The following ESRRG variants were observed in gnomAD, a reference collection of about 807,000 sequenced individuals.
ESRRG encodes the protein estrogen-related receptor gamma.
A neutral mutation model predicts 44.0 loss-of-function variants in ESRRG; 13 were observed. The observed-to-expected ratio is 0.30, with a 90% CI of 0.19 to 0.47. ESRRG has a LOEUF of 0.47. Ranked by LOEUF, ESRRG falls within the 20% of genes least tolerant of loss-of-function variation. The pLI, the probability that ESRRG is intolerant of heterozygous loss-of-function variation, is 1.00. For missense variants in ESRRG, 395 were observed against 580.6 expected, an observed-to-expected ratio of 0.68 and a Z score of 3.29; for synonymous variants, 215 against 214.6, an observed-to-expected ratio of 1.00 and a Z score of -0.02.
chr1:216,623,065 G>A (rs1438166470), intron 3 of ESRRG, among the ~76,000 whole-genome samples: 1 of 141,616 alleles, frequency 7.1e-6, no homozygotes, highest in Non-Finnish European at 1.5e-5. Flanking sequence ...GTCATCAGCT[G>A]AAATCATTAA....
At chr1:216,938,458 G>C (rs1273746365) in intron 2 of ESRRG, among the ~76,000 whole-genome samples, 3 of 152,144 alleles carry the variant, frequency 2.0e-5, no homozygotes, top group Admixed American at 6.5e-5. Flanking sequence ...AAGGAGAAGA[G>C]AGAACGCCAA....
chr1:216,725,475 C>T, upstream of ESRRG, among the ~76,000 whole-genome samples: 1 of 151,872 alleles, frequency 6.6e-6, no homozygotes. Flanking sequence ...TAAAATAAGA[C>T]ACGTAATCAT....
intron 1 of ESRRG, among the ~76,000 whole-genome samples, chr1:217,129,082 C>A (rs558605074): frequency 2.5e-4 from 38 of 152,136 alleles, no homozygotes; most frequent in African/African-American, 8.7e-4. Context: ...CAAATATTTG[C>A]AAATCCTATA....
intron 5 of ESRRG, among the ~76,000 whole-genome samples, chr1:216,530,763 C>A (rs886452997): frequency 6.6e-6 from 1 of 152,098 alleles, no homozygotes; most frequent in African/African-American, 2.4e-5. Flanking sequence ...TTCTGTACTG[C>A]CTTTAAAAAC....
At chr1:216,629,110 C>T (rs905543785) in intron 3 of ESRRG, among the ~76,000 whole-genome samples, 1 of 152,172 alleles carries the variant, frequency 6.6e-6, no homozygotes, top group Non-Finnish European at 1.5e-5. Context: ...TCCTATACCC[C>T]ACAGCCAGTT....
At chr1:216,617,503 GAA>G (rs5780897) in intron 3 of ESRRG, among the ~76,000 whole-genome samples, 35 of 138,416 alleles carry the variant, frequency 2.5e-4, no homozygotes, top group Admixed American at 1.3e-3. Context: ...TTGGCCTTTA[GAA>G]AAAAAAAAAA....
At chr1:216,517,435 T>C (rs2044674539) in intron 6 of ESRRG, among the ~76,000 whole-genome samples, 1 of 152,196 alleles carries the variant, frequency 6.6e-6, no homozygotes, top group Non-Finnish European at 1.5e-5. Flanking sequence ...ATATCTAAAA[T>C]TATACATTTT....
intron 1 of ESRRG, among the ~76,000 whole-genome samples, chr1:217,085,750 A>G (rs1410974973): frequency 6.6e-6 from 1 of 151,850 alleles, no homozygotes; most frequent in East Asian, 1.9e-4. Context: ...CAGCCTCCCA[A>G]AGTGCTGGGA....
At chr1:216,577,092 T>C (rs1057205983) in intron 3 of ESRRG, among the ~76,000 whole-genome samples, 2 of 151,790 alleles carry the variant, frequency 1.3e-5, no homozygotes, top group South Asian at 2.1e-4. Flanking sequence ...ATACCTACCA[T>C]TATCACTTCC....
intron 3 of ESRRG, among the ~76,000 whole-genome samples, chr1:216,629,707 T>C (rs539492339): frequency 4.6e-5 from 7 of 152,134 alleles, no homozygotes; most frequent in African/African-American, 1.2e-4. Flanking sequence ...ACAGGGATCA[T>C]TAGAAACAGT....
chr1:217,032,956 G>A (rs556209127), intron 1 of ESRRG, among the ~76,000 whole-genome samples: 21 of 152,232 alleles, frequency 1.4e-4, no homozygotes, highest in Non-Finnish European at 2.5e-4. Context: ...GATAGCCTTC[G>A]GCACAGACCG....
At chr1:216,528,993 C>G (rs1449521785) in intron 5 of ESRRG, among the ~76,000 whole-genome samples, 1 of 152,070 alleles carries the variant, frequency 6.6e-6, no homozygotes, top group Non-Finnish European at 1.5e-5. Flanking sequence ...AAGGAGGGTT[C>G]TTGTCTGTTA....
intron 2 of ESRRG, among the ~76,000 whole-genome samples, chr1:216,924,243 G>C (rs543743164): frequency 6.6e-6 from 1 of 152,236 alleles, no homozygotes; most frequent in Non-Finnish European, 1.5e-5. Context: ...TGTCCCTCCA[G>C]CATAATCCTG....
chr1:216,665,056 A>T (rs11117649), intron 2 of ESRRG, among the ~76,000 whole-genome samples: 24,134 of 152,122 alleles, frequency 0.16, 2,014 homozygotes, highest in Middle Eastern at 0.2. Flanking sequence ...CTTATTTGCG[A>T]TTTCACTTTC....
chr1:216,531,056 T>G (rs575974641), intron 5 of ESRRG, among the ~76,000 whole-genome samples: 107 of 152,228 alleles, frequency 7.0e-4, no homozygotes, highest in African/African-American at 2.4e-3. Flanking sequence ...GGAGGTCTTC[T>G]GCATAAATGG....
chr1:216,560,834 C>A (rs374517473), intron 5 of ESRRG, among the ~76,000 whole-genome samples: 17 of 152,066 alleles, frequency 1.1e-4, no homozygotes, highest in African/African-American at 3.9e-4. Flanking sequence ...TATCCGAGCG[C>A]GGACGAAATT....
chr1:216,617,246 C>T (rs570631159), intron 3 of ESRRG, among the ~76,000 whole-genome samples: 100 of 152,144 alleles, frequency 6.6e-4, no homozygotes, highest in African/African-American at 2.3e-3. Flanking sequence ...CCAAACCAAA[C>T]GCCACTTGAG....
At chr1:217,056,392 G>T (rs1434729797) in intron 1 of ESRRG, among the ~76,000 whole-genome samples, 1 of 151,996 alleles carries the variant, frequency 6.6e-6, no homozygotes, top group Non-Finnish European at 1.5e-5. Flanking sequence ...AGAAGTCTGG[G>T]TATAAATAGA....
intron 1 of ESRRG, among the ~76,000 whole-genome samples, chr1:217,053,690 T>C (rs2086561135): frequency 6.6e-6 from 1 of 152,156 alleles, no homozygotes; most frequent in Non-Finnish European, 1.5e-5. Flanking sequence ...ATTATTGGCC[T>C]GGTTTCTAAA....
Sources: allele counts gnomAD v4.1 joint callset (sites outside exome capture counted in the v4.1 genomes callset), GRCh38; gene constraint gnomAD v4.1.1; transcripts MANE v1.5; gene names NCBI Gene and HGNC (gene_info 2026-07-23, HGNC 2026-07-21).